The following PKHD1L1 variants were observed in gnomAD, a reference collection of about 807,000 sequenced individuals.
PKHD1L1 encodes the protein fibrocystin-L.
A neutral mutation model predicts 462.9 loss-of-function variants in PKHD1L1; 434 were observed. That is an observed-to-expected ratio of 0.94 (90% confidence interval 0.87 to 1.02). The LOEUF (loss-of-function observed/expected upper bound fraction) is 1.02, where lower values mean the gene tolerates loss of function less well. PKHD1L1 is among the 50% of genes least tolerant of loss of function. The pLI is 0.00. For missense variants in PKHD1L1, 5,202 were observed against 5,096.1 expected (o/e 1.02, Z -0.63); for synonymous variants, 1,781 against 1,750.0 (o/e 1.02, Z -0.44).
intron 24 of PKHD1L1, among the ~76,000 whole-genome samples, chr8:109,426,496 T>C (rs1814756661): frequency 6.6e-6 from 1 of 151,964 alleles, no homozygotes; most frequent in Non-Finnish European, 1.5e-5. Context: ...TAAAATTGCA[T>C]ATATTTTATT....
intron 58 of PKHD1L1, among the ~76,000 whole-genome samples, chr8:109,486,124 T>A (rs1818513783): frequency 6.6e-6 from 1 of 151,934 alleles, no homozygotes; most frequent in African/African-American, 2.4e-5. Context: ...GTACAGATGG[T>A]GTTGGATATG....
intron 56 of PKHD1L1, among the ~76,000 whole-genome samples, chr8:109,482,597 T>C (rs1563594652): frequency 1.3e-5 from 2 of 151,814 alleles, no homozygotes; most frequent in Non-Finnish European, 2.9e-5. Flanking sequence ...GAACATATTA[T>C]GAAAATCTTT....
intron 8 of PKHD1L1, 141 bp downstream of exon 8, chr8:109,389,293 T>A: frequency 1.7e-6 from 1 of 579,384 alleles, no homozygotes. Flanking sequence ...TCTCTTTTCC[T>A]TGGCTTCTTT....
At chr8:109,379,900 C>T (rs921960) in intron 2 of PKHD1L1, among the ~76,000 whole-genome samples, 83,961 of 151,882 alleles carry the variant, frequency 0.55, 23,334 homozygotes, top group South Asian at 0.64. Context: ...TAAGGAGGAG[C>T]TGGTCTGGAA....
intron 6 of PKHD1L1, among the ~76,000 whole-genome samples, chr8:109,387,319 G>C (rs1340466287): frequency 1.3e-5 from 2 of 152,148 alleles, no homozygotes; most frequent in Non-Finnish European, 2.9e-5. Context: ...ATTCTAAAAA[G>C]TATGTATTAA....
chr8:109,454,099 ATAATT>A, intron 43 of PKHD1L1, 63 bp from the exon 44 acceptor site: 1 of 873,074 alleles, frequency 1.1e-6, no homozygotes, highest in South Asian at 1.8e-5. Context: ...ATTGTAATGA[ATAATT>A]TAATAGGTAA....
At position 109,439,061 on chromosome 8, in the gene PKHD1L1, G is replaced by C; in HGVS notation, c.3925G>C (p.Glu1309Gln). Residue 1309 changes from glutamate (E) to glutamine (Q), a missense_variant, in exon 32 of 78, where the codon GAA becomes CAA. This residue lies in a region of PKHD1L1 where 4,497 missense variants were observed against 4,336.8 expected (regional missense o/e 1.04). Transcript: ENST00000378402. ...TCCTGGAAAACATGATATCTATGTA[G>C]AAGTCAGAAACTGGGGTTTTGCATC... ...LSPGKHDIYVEVRNWGFASTR... is the reference protein window; with the variant it reads ...LSPGKHDIYVQVRNWGFASTR... The C allele has an allele frequency of 6.2e-7, 1 of 1,613,186 alleles. No homozygotes were observed.
intron 9 of PKHD1L1, among the ~76,000 whole-genome samples, chr8:109,392,613 T>A (rs943408626): frequency 1.3e-5 from 2 of 152,106 alleles, no homozygotes; most frequent in Admixed American, 1.3e-4. Flanking sequence ...AAATATGACA[T>A]TTATGATTTA....
intron 10 of PKHD1L1, among the ~76,000 whole-genome samples, chr8:109,395,802 C>CT (rs1812941686): frequency 6.6e-6 from 1 of 152,158 alleles, no homozygotes; most frequent in South Asian, 2.1e-4. Flanking sequence ...CCAGTCACCA[C>CT]TAAAGCCTGG....
intron 63 of PKHD1L1, among the ~76,000 whole-genome samples, chr8:109,494,501 T>C (rs1407468179): frequency 6.6e-6 from 1 of 151,936 alleles, no homozygotes; most frequent in African/African-American, 2.4e-5. Context: ...TGTCCCGCAA[T>C]GGTAGAATAG....
chr8:109,459,025 A>T (rs866218014), intron 46 of PKHD1L1, among the ~76,000 whole-genome samples: 12 of 152,266 alleles, frequency 7.9e-5, no homozygotes, highest in African/African-American at 2.4e-4. Context: ...GAGACCTCCT[A>T]AGCTTCAACT....
At chr8:109,525,113 C>A (rs1820752121) in intron 76 of PKHD1L1, among the ~76,000 whole-genome samples, 1 of 152,034 alleles carries the variant, frequency 6.6e-6, no homozygotes, top group Admixed American at 6.6e-5. Context: ...GCAGTTAACC[C>A]CCACAGTCAC....
rs371394166 is a variant in PKHD1L1 at position 109,448,498 on chromosome 8, TG to T, written c.6025+108del. 6.4e-4 allele frequency: 788 copies of T among 1,222,096 alleles called. 2 individuals carry two copies. Among genetic ancestry groups the T allele is most frequent in the South Asian group, 1.3e-3 (69 of 52,190 alleles). The allele number at this position is 1,222,096 out of a possible 1,614,324, so 75.7% of individuals were successfully genotyped here. On this transcript the variant is annotated intron_variant, in intron 39 of 77. Coordinates refer to ENST00000378402, the MANE Select transcript of PKHD1L1 (RefSeq NM_177531.6). ...TTACTCAAACACATAAAATTTCTAG[TG>T]TTTTTTTTGTTTGTTTGGTTTTTTT...
Position 109,484,919 on chromosome 8 carries a change from C to A in PKHD1L1, c.9577-125C>A, listed in dbSNP as rs1055894208. On this transcript the variant is annotated intron_variant, in intron 57 of 77. Coordinates refer to ENST00000378402, the MANE Select transcript of PKHD1L1 (RefSeq NM_177531.6). ...TAGAGACTTCAATGTACTGTTTATT[C>A]TTTCTGATAATACCATAATTGCCAA... 9.5e-6 allele frequency: 7 copies of A among 738,764 alleles called. No individual in the cohort carries two copies. The African/African-American group carries it at 1.3e-4, about 13-fold the overall frequency. The allele number at this position is 738,764 out of a possible 1,614,324, so 45.8% of individuals were successfully genotyped here.
At chr8:109,519,353 C>T (rs1820432673) in intron 73 of PKHD1L1, among the ~76,000 whole-genome samples, 1 of 152,056 alleles carries the variant, frequency 6.6e-6, no homozygotes, top group Admixed American at 6.6e-5. Context: ...TTTCTCTATC[C>T]ATCTGCTCCT....
intron 24 of PKHD1L1, among the ~76,000 whole-genome samples, chr8:109,425,804 A>G (rs1480545520): frequency 6.6e-6 from 1 of 152,150 alleles, no homozygotes; most frequent in Non-Finnish European, 1.5e-5. Flanking sequence ...GCCATGAGTC[A>G]TATGTGGCTA....
Position 109,408,046 on chromosome 8 carries a change from C to T in PKHD1L1, c.1814-3C>T, listed in dbSNP as rs766755253. 4 of 1,579,528 alleles carry T rather than the reference C, an allele frequency of 2.5e-6. No individual in the cohort carries two copies. The African/African-American group carries it at 5.4e-5, about 21-fold the overall frequency. ...ACAAATTCTGTTTGTCACTTAATTTCAGGAGACTTTGATCTGCTTGGTTAT... is the reference window on the plus strand; with the variant it reads ...ACAAATTCTGTTTGTCACTTAATTTTAGGAGACTTTGATCTGCTTGGTTAT... On this transcript the variant is annotated splice_region_variant and splice_polypyrimidine_tract_variant and intron_variant, in intron 17 of 77. Coordinates refer to ENST00000378402, the MANE Select transcript of PKHD1L1 (RefSeq NM_177531.6).
Position 109,444,998 on chromosome 8 carries a change from T to C in PKHD1L1, c.5129T>C (p.Ile1710Thr), listed in dbSNP as rs1232104550. 3.7e-6 allele frequency: 6 copies of C among 1,613,956 alleles called. No homozygotes were observed. Among genetic ancestry groups the C allele is most frequent in the South Asian group, 2.2e-5 (2 of 91,078 alleles). Reference sequence around the variant, plus strand: ...GTTCTATCAGTGAATTATACGGCCATTGAATGTGAAACATCCCCTGCTGCC... The same window carrying C: ...GTTCTATCAGTGAATTATACGGCCACTGAATGTGAAACATCCCCTGCTGCC... ...CKVLSVNYTA[I>T]ECETSPAAQQ... Residue 1710 changes from isoleucine to threonine, a missense_variant, in exon 38 of 78, where the codon ATT becomes ACT. Transcript: ENST00000378402.
intron 50 of PKHD1L1, among the ~76,000 whole-genome samples, chr8:109,469,618 A>T (rs73313129): frequency 1.6e-3 from 242 of 152,242 alleles, no homozygotes; most frequent in African/African-American, 4.9e-3. Context: ...TGATGATATA[A>T]GTTATTACAT....
Sources: allele counts gnomAD v4.1 joint callset (sites outside exome capture counted in the v4.1 genomes callset), GRCh38; gene constraint gnomAD v4.1.1; regional missense constraint gnomAD v4.1.1; transcripts MANE v1.5; gene names NCBI Gene and HGNC (gene_info 2026-07-23, HGNC 2026-07-21).